RELN: variants seen among roughly 807,000 people sequenced by gnomAD.
RELN encodes reelin.
In RELN, 108 loss-of-function variants were observed where a neutral mutation model predicts 427.6. The ratio of observed to expected loss-of-function variants is 0.25; its 90% CI spans 0.22 to 0.30. The LOEUF is 0.30. Ranked by LOEUF, RELN falls within the 10% of genes least tolerant of loss-of-function variation. The pLI, the probability that RELN is intolerant of heterozygous loss-of-function variation, is 1.00. For synonymous variants in RELN, 1,524 were observed against 1,513.4 expected (o/e 1.01, Z -0.16); for missense variants, 3,715 against 4,302.8 (o/e 0.86, Z 3.82).
At chr7:103,482,751 A>T in intron 63 of RELN, 122 bp downstream of exon 63, 1 of 1,556,540 alleles carries the variant, frequency 6.4e-7, no homozygotes. Context: ...AGTGTAAGCC[A>T]AAGTGCTCCT....
chr7:103,600,099 T>C (rs1290141418), intron 24 of RELN, among the ~76,000 whole-genome samples: 1 of 152,244 alleles, frequency 6.6e-6, no homozygotes, highest in East Asian at 1.9e-4. Flanking sequence ...GCTCTTGCCA[T>C]GTTGCTTGGG....
intron 20 of RELN, among the ~76,000 whole-genome samples, chr7:103,617,529 C>A (rs1279290957): frequency 6.6e-6 from 1 of 150,570 alleles, no homozygotes; most frequent in Non-Finnish European, 1.5e-5. Flanking sequence ...TATATATATG[C>A]ATATATGTGT....
At chr7:103,568,161 C>T (rs1830803086) in intron 31 of RELN, among the ~76,000 whole-genome samples, 1 of 152,096 alleles carries the variant, frequency 6.6e-6, no homozygotes, top group African/African-American at 2.4e-5. Context: ...TTTCCCTATT[C>T]TTGACTAACT....
At chr7:103,908,136 A>G (rs1795258245) in intron 2 of RELN, among the ~76,000 whole-genome samples, 1 of 151,986 alleles carries the variant, frequency 6.6e-6, no homozygotes, top group African/African-American at 2.4e-5. Context: ...TTCCTTACCT[A>G]TACACTGGGG....
chr7:103,712,570 C>T (rs1221795668), intron 8 of RELN, among the ~76,000 whole-genome samples: 1 of 152,158 alleles, frequency 6.6e-6, no homozygotes, highest in African/African-American at 2.4e-5. Context: ...ACTCTATAAT[C>T]CAACACATTA....
chr7:103,916,305 A>G (rs1320328811), intron 2 of RELN, among the ~76,000 whole-genome samples: 2 of 152,220 alleles, frequency 1.3e-5, no homozygotes, highest in African/African-American at 4.8e-5. Context: ...TGATAATGCA[A>G]TTCTATCCTT....
intron 2 of RELN, among the ~76,000 whole-genome samples, chr7:103,914,586 T>G (rs1795442523): frequency 6.6e-6 from 1 of 151,964 alleles, no homozygotes; most frequent in African/African-American, 2.4e-5. Context: ...GCTAATGGCT[T>G]TACATAAATC....
intron 6 of RELN, among the ~76,000 whole-genome samples, chr7:103,742,504 G>C (rs1033109146): frequency 1.3e-5 from 2 of 152,152 alleles, no homozygotes; most frequent in African/African-American, 4.8e-5. Context: ...TGGCAAAGAA[G>C]TTAAAAGCTT....
At chr7:103,907,415 G>GAAA (rs941182837) in intron 2 of RELN, among the ~76,000 whole-genome samples, 2 of 44,124 alleles carry the variant, frequency 4.5e-5, no homozygotes, top group East Asian at 8.1e-4. Flanking sequence ...CAAGGCTCTG[G>GAAA]AAAAAAAAAA....
At chr7:103,526,218 T>A (rs1562872093) in intron 46 of RELN, among the ~76,000 whole-genome samples, 2 of 152,220 alleles carry the variant, frequency 1.3e-5, no homozygotes, top group Non-Finnish European at 2.9e-5. Flanking sequence ...ATGGAAGATT[T>A]AAGAGCCAGA....
At chr7:103,974,803 T>C (rs1796837654) in intron 1 of RELN, among the ~76,000 whole-genome samples, 1 of 152,244 alleles carries the variant, frequency 6.6e-6, no homozygotes, top group African/African-American at 2.4e-5. Context: ...CCACTATTTA[T>C]TCCTATTCAA....
At chr7:103,641,676 CAT>C (rs1172543176) in intron 16 of RELN, among the ~76,000 whole-genome samples, 1 of 152,088 alleles carries the variant, frequency 6.6e-6, no homozygotes, top group African/African-American at 2.4e-5. Context: ...ATTAAAGAAA[CAT>C]ATTATGCTTA....
At chr7:103,807,748 T>A (rs190571621) in intron 3 of RELN, among the ~76,000 whole-genome samples, 6 of 152,286 alleles carry the variant, frequency 3.9e-5, no homozygotes, top group South Asian at 2.1e-4. Context: ...TTGCTTAGGA[T>A]AAGGGCCTCC....
chr7:103,537,948 G>C (rs549326117), intron 45 of RELN, among the ~76,000 whole-genome samples: 1 of 152,298 alleles, frequency 6.6e-6, no homozygotes, highest in East Asian at 1.9e-4. Context: ...TTGCTCCTTT[G>C]AGTTCTCATT....
At chr7:103,931,681 G>GA (rs774813354) in intron 1 of RELN, among the ~76,000 whole-genome samples, 15 of 152,212 alleles carry the variant, frequency 9.9e-5, no homozygotes, top group Non-Finnish European at 1.9e-4. Context: ...ATAGCTATTA[G>GA]AAAATCACCA....
At chr7:103,676,518 G>C (rs1439767701) in intron 11 of RELN, among the ~76,000 whole-genome samples, 1 of 152,174 alleles carries the variant, frequency 6.6e-6, no homozygotes, top group Non-Finnish European at 1.5e-5. Flanking sequence ...AATACCATTT[G>C]ACCCAGCAAT....
At chr7:103,669,064 T>C (rs887316650) in intron 11 of RELN, among the ~76,000 whole-genome samples, 2 of 152,120 alleles carry the variant, frequency 1.3e-5, no homozygotes, top group Non-Finnish European at 2.9e-5. Flanking sequence ...TACCACAACA[T>C]TGTGTGAGAT....
rs1829397933 is a variant in RELN at position 103,511,154 on chromosome 7, T to C, written c.8120-149A>G. Reference sequence around the variant, plus strand: ...AGACAAAACACTAATATAAATACATTGTTTCAGGAACATAAATACTAGGAG... The same window carrying C: ...AGACAAAACACTAATATAAATACATCGTTTCAGGAACATAAATACTAGGAG... On this transcript the variant is annotated intron_variant, in intron 50 of 64. Transcript: ENST00000428762. The C allele has an allele frequency of 7.5e-6, 5 of 670,632 alleles. No homozygotes were observed. The East Asian group carries it at 8.2e-5, about 11-fold the overall frequency. The allele number at this position is 670,632 out of a possible 1,614,324, so 41.5% of individuals were successfully genotyped here.
chr7:103,549,306 G>T (rs1830362908), intron 41 of RELN, among the ~76,000 whole-genome samples: 1 of 152,186 alleles, frequency 6.6e-6, no homozygotes. Context: ...CTGCCTTCCT[G>T]CTGGGTCCTC....
Sources: gnomAD v4.1 joint callset for allele counts (sites outside exome capture counted in the v4.1 genomes callset) on GRCh38, gnomAD v4.1.1 for gene constraint, MANE v1.5 for transcripts, NCBI Gene and HGNC (gene_info 2026-07-23, HGNC 2026-07-21) for gene names.